Variants in SCN3A observed in about 807,000 individuals in gnomAD.
SCN3A encodes the protein sodium voltage-gated channel alpha subunit 3.
Under a neutral mutation model 187.6 loss-of-function variants are expected in SCN3A, and 60 were observed. The ratio of observed to expected loss-of-function variants is 0.32; its 90% CI spans 0.26 to 0.40. The LOEUF (loss-of-function observed/expected upper bound fraction) is 0.40. Ranked by LOEUF, SCN3A falls within the 10% of genes least tolerant of loss-of-function variation. The pLI, the probability that SCN3A is intolerant of heterozygous loss-of-function variation, is 1.00. For missense variants in SCN3A, 1,601 were observed against 2,428.2 expected, an observed-to-expected ratio of 0.66 and a Z score of 7.16; for synonymous variants, 788 against 829.2, an observed-to-expected ratio of 0.95 and a Z score of 0.85.
At chr2:165,184,454 G>A (rs925828205) in intron 2 of SCN3A, among the ~76,000 whole-genome samples, 4 of 132,878 alleles carry the variant, frequency 3.0e-5, no homozygotes, top group Admixed American at 1.7e-4. Flanking sequence ...GATAAGACAA[G>A]GAGCCAAGAT....
chr2:165,114,016 A>T, intron 19 of SCN3A, 46 bp from the exon 20 acceptor site: 1 of 1,279,632 alleles, frequency 7.8e-7, no homozygotes, highest in Non-Finnish European at 1.1e-6. Context: ...TTAATCTTAA[A>T]TAGGAAAAAA....
At position 165,092,153 on chromosome 2, in the gene SCN3A, C is replaced by T. The variant is rs952249720; in HGVS notation, c.4807+101G>A. ...TAGTGTTGAACTTTACATCTATATG[C>T]ATTATTATTCTCAGACCTAATTTCC... On this transcript the variant is annotated intron_variant, in intron 27 of 27. Coordinates refer to ENST00000283254, the MANE Select transcript of SCN3A (RefSeq NM_006922.4). This position sits in a 1 kb window ranked among gnomAD's most constrained non-coding sequence, Gnocchi z 4.2. 4.5e-5 allele frequency: 50 copies of T among 1,121,994 alleles called. No homozygotes were observed. The highest frequency in any genetic ancestry group is 6.4e-5 in the Non-Finnish European group (47 of 736,448). The allele number at this position is 1,121,994 out of a possible 1,614,324, so 69.5% of individuals were successfully genotyped here.
At chr2:165,097,569 T>A (rs1358676371) in intron 22 of SCN3A, 45 bp from the exon 23 acceptor site, 5 of 1,605,180 alleles carry the variant, frequency 3.1e-6, no homozygotes, top group African/African-American at 1.3e-5. Flanking sequence ...ACCTTTTGAA[T>A]GGAAACCATT....
intron 10 of SCN3A, among the ~76,000 whole-genome samples, chr2:165,155,048 C>A (rs1264584596): frequency 6.6e-6 from 1 of 152,156 alleles, no homozygotes; most frequent in Non-Finnish European, 1.5e-5. Flanking sequence ...TTTTGCTCCC[C>A]TCCCCTTCTA....
chr2:165,119,969 C>G (rs1269029508), intron 18 of SCN3A, among the ~76,000 whole-genome samples: 4 of 152,088 alleles, frequency 2.6e-5, no homozygotes, highest in Admixed American at 6.5e-5. Context: ...TTTTCTTGTA[C>G]TATTTTCTCC....
chr2:165,103,409 C>A (rs1288999175), intron 21 of SCN3A, among the ~76,000 whole-genome samples: 1 of 152,128 alleles, frequency 6.6e-6, no homozygotes, highest in Non-Finnish European at 1.5e-5. Flanking sequence ...TGTCCCCAAC[C>A]TTTCAATACA....
intron 21 of SCN3A, among the ~76,000 whole-genome samples, chr2:165,106,128 A>G (rs1321309430): frequency 6.6e-6 from 1 of 152,154 alleles, no homozygotes; most frequent in African/African-American, 2.4e-5. Flanking sequence ...AATCTGGTGC[A>G]CTCATCACTG....
At chr2:165,136,515 A>C (rs903555720) in intron 15 of SCN3A, among the ~76,000 whole-genome samples, 1 of 152,188 alleles carries the variant, frequency 6.6e-6, no homozygotes, top group Non-Finnish European at 1.5e-5. Flanking sequence ...ACTCATTTCA[A>C]TAATAGAAAA....
Position 165,127,925 on chromosome 2 carries a change from CT to C in SCN3A, c.3098del (p.Lys1033SerfsTer5). ...CTTCATGGATTTCTATAACTTTTGG[CT>C]TTCTAAAAAAGGCTTTTTGGAAACA... ...RECFQKAFFR[K>X]PKVIEIHEGN... On this transcript the variant is annotated frameshift_variant, in exon 18 of 28. Coordinates refer to ENST00000283254, the MANE Select transcript of SCN3A (RefSeq NM_006922.4). LOFTEE classifies it high-confidence loss of function. 1 of 1,614,022 alleles carries C rather than the reference CT, an allele frequency of 6.2e-7. No homozygotes were observed. The highest frequency in any genetic ancestry group is 1.3e-5 in the African/African-American group (1 of 75,036).
intron 5 of SCN3A, among the ~76,000 whole-genome samples, 190 bp downstream of exon 5, chr2:165,168,546 A>AT (rs1182118277): frequency 4.6e-5 from 7 of 152,144 alleles, no homozygotes; most frequent in African/African-American, 1.7e-4. Flanking sequence ...TATTGTCATG[A>AT]TTTTGTTGGA....
intron 15 of SCN3A, among the ~76,000 whole-genome samples, chr2:165,134,289 C>T (rs1436593003): frequency 6.6e-6 from 1 of 152,182 alleles, no homozygotes; most frequent in Non-Finnish European, 1.5e-5. Flanking sequence ...ATTACTCTTG[C>T]AGAAAATCTT....
chr2:165,154,793 G>T, intron 10 of SCN3A, 135 bp from the exon 11 acceptor site: 1 of 834,298 alleles, frequency 1.2e-6, no homozygotes, highest in Non-Finnish European at 1.9e-6. Context: ...AGAATTTTTT[G>T]GTATTGATAT....
chr2:165,091,945 A>T (rs918762747), intron 27 of SCN3A: 1 of 424,642 alleles, frequency 2.4e-6, no homozygotes, highest in Non-Finnish European at 4.4e-6. Flanking sequence ...CATTACAATG[A>T]TTTGTTTTTT....
chr2:165,146,482 TTA>T (rs1381168779), intron 12 of SCN3A, among the ~76,000 whole-genome samples: 1 of 148,128 alleles, frequency 6.8e-6, no homozygotes, highest in East Asian at 1.9e-4. Flanking sequence ...TCAATATATA[TTA>T]TATATATCTA....
intron 21 of SCN3A, among the ~76,000 whole-genome samples, chr2:165,108,498 G>A (rs1685965002): frequency 6.6e-6 from 1 of 152,132 alleles, no homozygotes; most frequent in African/African-American, 2.4e-5. Context: ...AATTACCTGT[G>A]AGCAATAAAT....
At chr2:165,145,030 T>C (rs1411554538) in intron 12 of SCN3A, among the ~76,000 whole-genome samples, 1 of 152,206 alleles carries the variant, frequency 6.6e-6, no homozygotes, top group Non-Finnish European at 1.5e-5. Flanking sequence ...TGAAATTCAT[T>C]CACCGATTTT....
chr2:165,100,562 G>A (rs1685556595), intron 21 of SCN3A, 138 bp from the exon 22 acceptor site: 2 of 793,526 alleles, frequency 2.5e-6, no homozygotes, highest in South Asian at 3.2e-5. Flanking sequence ...CACATAGTGG[G>A]GTCATCTTAT....
intron 1 of SCN3A, among the ~76,000 whole-genome samples, chr2:165,190,493 GAT>G (rs1016868937): frequency 1.4e-5 from 2 of 146,238 alleles, no homozygotes; most frequent in African/African-American, 2.5e-5. Context: ...ATTGCACAAA[GAT>G]ATATATATAT....
chr2:165,176,565 G>T, intron 2 of SCN3A, 121 bp from the exon 3 acceptor site: 2 of 707,426 alleles, frequency 2.8e-6, no homozygotes, highest in Non-Finnish European at 4.8e-6. Context: ...CATGCTTTTA[G>T]TACTGCACTA....
Sources: gnomAD v4.1 joint callset for allele counts (sites outside exome capture counted in the v4.1 genomes callset) on GRCh38, gnomAD v4.1.1 for gene constraint, Gnocchi (gnomAD v3.1) non-coding constraint, MANE v1.5 for transcripts, NCBI Gene and HGNC (gene_info 2026-07-23, HGNC 2026-07-21) for gene names.